Variants in NRG4 observed in about 807,000 individuals in gnomAD.
NRG4 encodes neuregulin 4.
Under a neutral mutation model 15.0 loss-of-function variants are expected in NRG4, and 10 were observed. The observed-to-expected ratio is 0.67, with a 90% CI of 0.41 to 1.13. The LOEUF (loss-of-function observed/expected upper bound fraction) is 1.13. Among genes scored for constraint, NRG4 ranks in the 50% most tolerant of loss-of-function variants. The pLI is 0.00. For missense variants in NRG4, 139 were observed against 140.2 expected (o/e 0.99, Z 0.04); for synonymous variants, 41 against 50.1 (o/e 0.82, Z 0.77).
chr15:75,952,622 C>T (rs899958306), intron 5 of NRG4, among the ~76,000 whole-genome samples: 1 of 148,906 alleles, frequency 6.7e-6, no homozygotes, highest in African/African-American at 2.5e-5. Flanking sequence ...TGGGGTCTTG[C>T]TATGTTACCC....
chr15:76,044,703 C>T (rs1334865975), intron 4 of NRG4, among the ~76,000 whole-genome samples: 4 of 149,708 alleles, frequency 2.7e-5, no homozygotes, highest in African/African-American at 5.0e-5. Context: ...GGCATAGTGG[C>T]GGGCACCTGT....
Position 76,045,801 on chromosome 15 carries a change from T to C in NRG4, c.-105+6266A>G, listed in dbSNP as rs761257243. Among the ~76,000 whole-genome samples the C allele has an allele frequency of 6.0e-5, 9 of 150,424 alleles. 1 individual carries two copies. The highest frequency in any genetic ancestry group is 1.0e-4 in the Non-Finnish European group (7 of 67,738). On this transcript the variant is annotated intron_variant, in intron 4 of 8. Transcript: ENST00000563910. ...TGGGAAGGGTGGAGCAGGGGGCTGG[T>C]TGGGGGAAGTGGGGATAGTTAATGG...
intron 5 of NRG4, among the ~76,000 whole-genome samples, chr15:76,031,505 T>A (rs964279721): frequency 6.6e-6 from 1 of 152,162 alleles, no homozygotes; most frequent in Non-Finnish European, 1.5e-5. Flanking sequence ...CTGGGCAACA[T>A]GGTGAAACCC....
At chr15:75,951,378 G>C (rs566598915) in intron 5 of NRG4, among the ~76,000 whole-genome samples, 1 of 152,006 alleles carries the variant, frequency 6.6e-6, no homozygotes, top group African/African-American at 2.4e-5. Context: ...ATGTTGGCCA[G>C]GCTGATCTTG....
intron 2 of NRG4, 145 bp from the exon 3 acceptor site, chr15:76,009,438 T>C (rs867294162): frequency 1.8e-6 from 1 of 542,052 alleles, no homozygotes; most frequent in African/African-American, 2.0e-5. Flanking sequence ...AAAGATTTAA[T>C]TCTATTCCTT....
intron 3 of NRG4, among the ~76,000 whole-genome samples, chr15:75,970,609 A>G (rs117662810): frequency 7.9e-4 from 120 of 152,330 alleles, no homozygotes; most frequent in East Asian, 7.5e-3. Context: ...GTCACTCTCG[A>G]TAATTATTCC....
chr15:75,947,839 A>C (rs1305879441), intron 5 of NRG4, among the ~76,000 whole-genome samples: 1 of 152,192 alleles, frequency 6.6e-6, no homozygotes. Context: ...TATCAATAGT[A>C]GTCACCATCC....
At chr15:76,004,587 G>A (rs1377499731) in intron 3 of NRG4, among the ~76,000 whole-genome samples, 16 of 125,444 alleles carry the variant, frequency 1.3e-4, no homozygotes, top group African/African-American at 4.6e-4. Flanking sequence ...CAACAAGAGC[G>A]AAACTCCGTC....
chr15:75,981,357 T>C (rs954281676), intron 3 of NRG4, among the ~76,000 whole-genome samples: 2 of 152,034 alleles, frequency 1.3e-5, no homozygotes, highest in Admixed American at 6.6e-5. Flanking sequence ...GCCAATACCA[T>C]GTAGAGGAGA....
At chr15:75,968,369 C>T (rs534097878) in intron 3 of NRG4, among the ~76,000 whole-genome samples, 16 of 152,140 alleles carry the variant, frequency 1.1e-4, no homozygotes, top group African/African-American at 3.9e-4. Flanking sequence ...GGGCGGATCA[C>T]GTCAGGTCAG....
chr15:75,953,768 C>T (rs546772227), intron 5 of NRG4, among the ~76,000 whole-genome samples: 7 of 152,074 alleles, frequency 4.6e-5, no homozygotes, highest in Non-Finnish European at 1.0e-4. Context: ...TCTTGGCTCA[C>T]CGCAGCCTTG....
intron 5 of NRG4, among the ~76,000 whole-genome samples, chr15:75,950,170 C>T (rs1030042678): frequency 1.3e-5 from 2 of 152,016 alleles, no homozygotes; most frequent in African/African-American, 4.8e-5. Context: ...GTTTTCAATA[C>T]ATAGGCCTTT....
chr15:75,968,004 T>C (rs1292753209), intron 3 of NRG4, among the ~76,000 whole-genome samples: 1 of 152,176 alleles, frequency 6.6e-6, no homozygotes, highest in African/African-American at 2.4e-5. Context: ...TAAGGCACAG[T>C]GAATGAAGAA....
chr15:75,981,856 A>C (rs2033619094), intron 3 of NRG4, among the ~76,000 whole-genome samples: 1 of 152,212 alleles, frequency 6.6e-6, no homozygotes, highest in Non-Finnish European at 1.5e-5. Flanking sequence ...GGCTATTTTG[A>C]TAAATTCTTT....
At position 75,977,675 on chromosome 15, in the gene NRG4, C is replaced by T. The variant is rs560162651; in HGVS notation, c.105-15701G>A. On this transcript the variant is annotated intron_variant, in intron 3 of 5. Transcript: ENST00000394907. This position sits in a 1 kb window ranked among gnomAD's most constrained non-coding sequence, Gnocchi z 4.9. ...TCTAACCAGTCCCAGTGAGATAAGCCGGGTACTTCAGTTGGAAATGCAGAA... is the reference window on the plus strand; with the variant it reads ...TCTAACCAGTCCCAGTGAGATAAGCTGGGTACTTCAGTTGGAAATGCAGAA... 7.2e-5 allele frequency among the ~76,000 whole-genome samples: 11 copies of T among 152,192 alleles called. No individual in the cohort carries two copies. The highest frequency in any genetic ancestry group is 1.5e-4 in the Non-Finnish European group (10 of 68,000).
chr15:75,947,446 T>C (rs915946431), intron 5 of NRG4, among the ~76,000 whole-genome samples: 2 of 152,224 alleles, frequency 1.3e-5, no homozygotes, highest in Non-Finnish European at 2.9e-5. Context: ...TCTCAGGGTG[T>C]CCTGTCTATT....
At chr15:75,945,894 C>G (rs1417947107) in intron 5 of NRG4, 1 of 152,020 alleles carries the variant, frequency 6.6e-6, no homozygotes, top group Non-Finnish European at 1.5e-5. Context: ...TTTCCTGTAC[C>G]TATGATAAAG....
chr15:75,996,255 G>A (rs932274562), intron 3 of NRG4, among the ~76,000 whole-genome samples: 3 of 152,092 alleles, frequency 2.0e-5, no homozygotes, highest in Non-Finnish European at 4.4e-5. Flanking sequence ...TGTGAGAGAT[G>A]AGATCCCTCA....
chr15:75,988,137 T>C (rs1283681580), intron 3 of NRG4, among the ~76,000 whole-genome samples: 1 of 152,208 alleles, frequency 6.6e-6, no homozygotes, highest in Non-Finnish European at 1.5e-5. Context: ...TTTCTATAGT[T>C]ACAGCATGTG....
Sources: allele counts gnomAD v4.1 joint callset (sites outside exome capture counted in the v4.1 genomes callset), GRCh38; gene constraint gnomAD v4.1.1; non-coding constraint Gnocchi (gnomAD v3.1); transcripts MANE v1.5; gene names NCBI Gene and HGNC (gene_info 2026-07-23, HGNC 2026-07-21).